Variants in DNAJC6 observed in about 807,000 individuals in gnomAD.
DNAJC6 encodes the protein auxilin.
A neutral mutation model predicts 110.0 loss-of-function variants in DNAJC6; 34 were observed. The ratio of observed to expected loss-of-function variants is 0.31; its 90% CI spans 0.24 to 0.41. The LOEUF is 0.41. Among genes scored for constraint, DNAJC6 ranks in the 10% least tolerant of loss-of-function variants. DNAJC6 has a pLI of 1.00. For synonymous variants in DNAJC6, 406 were observed against 437.2 expected (o/e 0.93, Z 0.89); for missense variants, 1,031 against 1,207.8 (o/e 0.85, Z 2.17).
chr1:65,312,430 G>A (rs1274125644), intron 1 of DNAJC6, among the ~76,000 whole-genome samples: 1 of 152,180 alleles, frequency 6.6e-6, no homozygotes, highest in African/African-American at 2.4e-5. Context: ...GGCCTGTGCA[G>A]TGTAAATATA....
chr1:65,316,357 G>T (rs1052399601), intron 1 of DNAJC6, among the ~76,000 whole-genome samples: 5 of 152,098 alleles, frequency 3.3e-5, no homozygotes, highest in African/African-American at 9.7e-5. Flanking sequence ...CATTCTTCAG[G>T]GTTTAGCTCA....
upstream of DNAJC6, among the ~76,000 whole-genome samples, chr1:65,307,014 C>CTA (rs1330055090): frequency 6.7e-3 from 508 of 75,792 alleles, 3 homozygotes; most frequent in Non-Finnish European, 9.2e-3. Context: ...CTCTCTCTCT[C>CTA]TCTCTATATA....
In DNAJC6 at chr1:65,406,021, G is replaced by A. The variant is rs1646072807; in HGVS notation, c.2379G>A (p.Lys793=). ...GAYNWQQPQP[K]PQPSMPHSSP... ...ACAACTGGCAGCAGCCACAGCCTAA[G>A]CCTCAGCCCAGCATGCCCCACTCCT... is the stretch of plus-strand genomic sequence containing the variant. Residue 793 remains lysine (K), a synonymous_variant, in exon 16 of 19, where the codon AAG becomes AAA. Transcript: ENST00000371069. 6.2e-7 allele frequency: 1 copy of A among 1,614,092 alleles called. No homozygotes were observed. The highest frequency in any genetic ancestry group is 1.1e-5 in the South Asian group (1 of 91,090).
At chr1:65,302,119 TATATAAAA>T (rs1349246269) in intron 1 of DNAJC6, among the ~76,000 whole-genome samples, 1 of 14,952 alleles carries the variant, frequency 6.7e-5, no homozygotes, top group Non-Finnish European at 9.2e-5. Context: ...TATATATATA[TATATAAAA>T]AATATATATA....
chr1:65,387,063 CT>C, intron 8 of DNAJC6, 134 bp downstream of exon 8: 1 of 738,926 alleles, frequency 1.4e-6, no homozygotes, highest in Non-Finnish European at 2.3e-6. Context: ...TTAAAGATTG[CT>C]TAGCTCACCT....
intron 12 of DNAJC6, among the ~76,000 whole-genome samples, chr1:65,393,099 C>G (rs1383824084): frequency 6.6e-6 from 1 of 152,168 alleles, no homozygotes; most frequent in African/African-American, 2.4e-5. Context: ...CACACTCTTA[C>G]TTCTAATTTT....
chr1:65,358,504 A>G (rs576970133), intron 1 of DNAJC6, among the ~76,000 whole-genome samples: 1 of 152,318 alleles, frequency 6.6e-6, no homozygotes, highest in Admixed American at 6.5e-5. Flanking sequence ...TACTACATAT[A>G]AAGAATTTAG....
At chr1:65,346,863 T>A (rs185054144) in intron 1 of DNAJC6, among the ~76,000 whole-genome samples, 4 of 152,172 alleles carry the variant, frequency 2.6e-5, no homozygotes, top group Admixed American at 2.6e-4. Flanking sequence ...AGGCATCACC[T>A]CTGCCATAAG....
upstream of DNAJC6, among the ~76,000 whole-genome samples, chr1:65,305,388 C>T (rs1371933098): frequency 6.6e-6 from 1 of 152,216 alleles, no homozygotes; most frequent in African/African-American, 2.4e-5. Context: ...TACACACACT[C>T]ATACATATCA....
chr1:65,294,968 A>G (rs1185887382), intron 1 of DNAJC6, among the ~76,000 whole-genome samples: 1 of 152,214 alleles, frequency 6.6e-6, no homozygotes, highest in Non-Finnish European at 1.5e-5. Flanking sequence ...TACATTTATA[A>G]TGTAAGCTTT....
chr1:65,379,465 C>T lies in DNAJC6; in HGVS notation c.607C>T (p.Arg203Trp), dbSNP rs549580287. 22 of 1,613,996 alleles carry T rather than the reference C, an allele frequency of 1.4e-5. No individual in the cohort carries two copies. Among genetic ancestry groups the T allele is most frequent in the South Asian group, 2.2e-5 (2 of 91,060 alleles). ...TCTGCACAACCTTTTTGCTGTGTGTCGGAATATGTATAACTGGCTACTGCA... is the reference window on the plus strand; with the variant it reads ...TCTGCACAACCTTTTTGCTGTGTGTTGGAATATGTATAACTGGCTACTGCA... ...PSLHNLFAVC[R>W]NMYNWLLQNP... Residue 203 changes from arginine to tryptophan, a missense_variant, in exon 5 of 19, where the codon CGG (arginine) becomes TGG (tryptophan). Transcript: ENST00000371069.
chr1:65,319,198 A>T (rs553898515), intron 1 of DNAJC6, among the ~76,000 whole-genome samples: 5 of 152,186 alleles, frequency 3.3e-5, no homozygotes, highest in Non-Finnish European at 7.4e-5. Flanking sequence ...GGAAAATGTG[A>T]TCAACTGTTT....
At chr1:65,277,670 G>T (rs1257112758) in intron 1 of DNAJC6, among the ~76,000 whole-genome samples, 1 of 152,110 alleles carries the variant, frequency 6.6e-6, no homozygotes, top group Admixed American at 6.5e-5. Flanking sequence ...GGGTGAGCCA[G>T]TGGGGGTCTC....
At chr1:65,280,923 A>C (rs1056745871) in intron 1 of DNAJC6, among the ~76,000 whole-genome samples, 1 of 152,140 alleles carries the variant, frequency 6.6e-6, no homozygotes, top group Non-Finnish European at 1.5e-5. Flanking sequence ...AAAAAAATTA[A>C]GTTTCACGTT....
intron 1 of DNAJC6, among the ~76,000 whole-genome samples, chr1:65,357,386 A>T (rs1211140494): frequency 2.0e-5 from 3 of 152,172 alleles, no homozygotes; most frequent in African/African-American, 7.2e-5. Context: ...TGGAAAGAGG[A>T]AAAGTGATGT....
At chr1:65,279,089 G>A (rs1370904511) in intron 1 of DNAJC6, 15 of 985,214 alleles carry the variant, frequency 1.5e-5, no homozygotes, top group Admixed American at 6.1e-5. Flanking sequence ...AGGGAAATTC[G>A]TGCCTGTGAA....
chr1:65,333,669 A>AT (rs145854195), intron 1 of DNAJC6, among the ~76,000 whole-genome samples: 5,551 of 151,666 alleles, frequency 0.037, 129 homozygotes, highest in Non-Finnish European at 0.059. Context: ...ATGACTTAGG[A>AT]TTTTTTTTTC....
intron 1 of DNAJC6, among the ~76,000 whole-genome samples, chr1:65,274,011 C>T (rs7542234): frequency 0.022 from 3,299 of 152,152 alleles, 103 homozygotes; most frequent in African/African-American, 0.077. Flanking sequence ...TCTTCTGTAT[C>T]CTCACTGATT....
At chr1:65,315,603 G>T (rs1645141998) in intron 1 of DNAJC6, among the ~76,000 whole-genome samples, 1 of 152,040 alleles carries the variant, frequency 6.6e-6, no homozygotes, top group South Asian at 2.1e-4. Context: ...GTTCAATAAT[G>T]CTTAATGACA....
Sources: allele counts gnomAD v4.1 joint callset (sites outside exome capture counted in the v4.1 genomes callset), GRCh38; gene constraint gnomAD v4.1.1; transcripts MANE v1.5; gene names NCBI Gene and HGNC (gene_info 2026-07-23, HGNC 2026-07-21).